The following RCC1 variants were observed in gnomAD, a reference collection of about 807,000 sequenced individuals.
The protein encoded by RCC1 is regulator of chromosome condensation.
RCC1 carries 11 observed loss-of-function variants against 44.4 expected under a neutral mutation model. The observed-to-expected ratio is 0.25, with a 90% CI of 0.16 to 0.41. The LOEUF (loss-of-function observed/expected upper bound fraction) is 0.41. Ranked by LOEUF, RCC1 falls within the 10% of genes least tolerant of loss-of-function variation. The pLI is 1.00. For synonymous variants in RCC1, 213 were observed against 216.5 expected, an observed-to-expected ratio of 0.98 and a Z score of 0.14; for missense variants, 386 against 547.1, an observed-to-expected ratio of 0.71 and a Z score of 2.94.
chr1:28,534,857 G>C (rs1465734140), intron 7 of RCC1, among the ~76,000 whole-genome samples, 193 bp from the exon 8 acceptor site: 1 of 152,166 alleles, frequency 6.6e-6, no homozygotes, highest in Non-Finnish European at 1.5e-5. Flanking sequence ...ATCTCTATTT[G>C]CATCCGCTCT....
Position 28,532,796 on chromosome 1 carries a change from T to TTTG in RCC1, c.441+467_441+469dup, listed in dbSNP as rs570603145. 1.4e-3 allele frequency: 627 copies of TTTG among 443,552 alleles called. 2 individuals are homozygous for TTTG. Among genetic ancestry groups the TTTG allele is most frequent in the African/African-American group, 9.5e-3 (467 of 49,282 alleles). 27.5% of individuals were successfully genotyped at this position (443,552 alleles called of 1,614,324 possible). On this transcript the variant is annotated intron_variant, in intron 7 of 12. Coordinates refer to ENST00000683442, the MANE Select transcript of RCC1 (RefSeq NM_001381865.2). ...TAGTTGAAAAAACAGATTGTGGGTT[T>TTTG]TTGTTGTTGTTGTTGTTGTTGTTTT... is the stretch of plus-strand genomic sequence containing the variant.
At chr1:28,510,375 C>CA (rs1279268043) in intron 3 of RCC1, 1 of 152,208 alleles carries the variant, frequency 6.6e-6, no homozygotes, top group Non-Finnish European at 1.5e-5. Context: ...TGGTGGCTCA[C>CA]ACCCGTAATC....
intron 4 of RCC1, among the ~76,000 whole-genome samples, chr1:28,519,798 C>T (rs976486207): frequency 7.3e-5 from 11 of 151,604 alleles, no homozygotes; most frequent in Non-Finnish European, 1.3e-4. Flanking sequence ...GTCTTGAACT[C>T]CTGACCTCAG....
chr1:28,521,899 G>A (rs983191934), intron 4 of RCC1, among the ~76,000 whole-genome samples: 1 of 152,220 alleles, frequency 6.6e-6, no homozygotes, highest in Non-Finnish European at 1.5e-5. Context: ...ATAGGCCTGG[G>A]TTGCTTTTCT....
chr1:28,531,631 G>A (rs554619135), intron 5 of RCC1, among the ~76,000 whole-genome samples, 172 bp from the exon 6 acceptor site: 12,475 of 152,134 alleles, frequency 0.082, 1,028 homozygotes, highest in African/African-American at 0.22. Context: ...AATCCTGTGA[G>A]AGAGGTACTT....
intron 3 of RCC1, chr1:28,509,729 C>T (rs1470725651): frequency 6.6e-6 from 1 of 152,152 alleles, no homozygotes; most frequent in East Asian, 1.9e-4. Context: ...AGCTTCAGTT[C>T]TAAAGGCCCT....
chr1:28,523,417 C>G (rs1215832481), intron 4 of RCC1, among the ~76,000 whole-genome samples: 2 of 152,178 alleles, frequency 1.3e-5, no homozygotes, highest in Non-Finnish European at 2.9e-5. Flanking sequence ...TGAGATACTT[C>G]ACCTTTCTGA....
At chr1:28,527,274 C>G (rs1312286085) in intron 4 of RCC1, 3 of 638,768 alleles carry the variant, frequency 4.7e-6, no homozygotes, top group Admixed American at 4.4e-5. Context: ...GTGTCTGTCT[C>G]TTTCGCCCAG....
chr1:28,520,269 G>C (rs1363827005), intron 4 of RCC1, among the ~76,000 whole-genome samples: 1 of 152,178 alleles, frequency 6.6e-6, no homozygotes, highest in Non-Finnish European at 1.5e-5. Context: ...TCTTCCTCCT[G>C]GTGTGGGGGA....
At position 28,529,897 on chromosome 1, in the gene RCC1, T is replaced by TC. The variant is rs746656171; in HGVS notation, c.38dup (p.Ala14SerfsTer39). ...ACCCAAGCGCATAGCTAAAAGAAGG[T>TC]CCCCCCCAGCAGATGCCATCCCCAA... On this transcript the variant is annotated frameshift_variant, in exon 5 of 13. Transcript: ENST00000683442. LOFTEE classifies it high-confidence loss of function. 11 of 1,613,552 alleles carry TC rather than the reference T, an allele frequency of 6.8e-6. No homozygotes were observed. The highest frequency in any genetic ancestry group is 2.2e-5 in the South Asian group (2 of 91,048).
chr1:28,528,829 A>T (rs1281419409), intron 4 of RCC1, among the ~76,000 whole-genome samples: 1 of 134,972 alleles, frequency 7.4e-6, no homozygotes, highest in African/African-American at 2.8e-5. Flanking sequence ...AATGGATGAT[A>T]GGCTGTTTTT....
chr1:28,538,223 G>A lies in RCC1; in HGVS notation c.*216G>A. The A allele has an allele frequency of 2.1e-6, 1 of 471,708 alleles. No individual in the cohort carries two copies. Among genetic ancestry groups the A allele is most frequent in the Non-Finnish European group, 3.7e-6 (1 of 266,776 alleles). The allele number at this position is 471,708 out of a possible 1,614,324, so 29.2% of individuals were successfully genotyped here. ...ACAGAATAAAGGGGGGGATGGACAG[G>A]GGGTTTTCAAAAGGAACATGGCTCA... On this transcript the variant is annotated 3_prime_UTR_variant, in exon 13 of 13. Transcript: ENST00000683442.
chr1:28,535,366 G>C lies in RCC1; in HGVS notation c.647G>C (p.Gly216Ala). ...CCTGAGTTATTTGCCAACCGTGGTG[G>C]CCGGCAAGGCCTCGGTAAGTGGCCT... ...RVPELFANRG[G>A]RQGLERLLVP... is the part of the protein sequence containing the mutation. Residue 216 changes from glycine (G) to alanine (A), a missense_variant, in exon 9 of 13, where the codon GGC becomes GCC. Gly to Ala is a moderately conservative substitution (Grantham distance 60, BLOSUM62 0). Transcript: ENST00000683442. 2 of 1,614,144 alleles carry C rather than the reference G, an allele frequency of 1.2e-6. No homozygotes were observed. Among genetic ancestry groups the C allele is most frequent in the Non-Finnish European group, 1.7e-6 (2 of 1,180,020 alleles).
intron 3 of RCC1, among the ~76,000 whole-genome samples, chr1:28,512,852 T>C (rs1286857092): frequency 6.6e-6 from 1 of 152,154 alleles, no homozygotes; most frequent in African/African-American, 2.4e-5. Flanking sequence ...TGGAGTGCAG[T>C]GGCACAATCT....
intron 4 of RCC1, among the ~76,000 whole-genome samples, chr1:28,529,505 T>A (rs879440798): frequency 1.3e-5 from 2 of 151,952 alleles, no homozygotes; most frequent in Non-Finnish European, 2.9e-5. Context: ...ATTCTGCTTG[T>A]TTTACTTGGC....
intron 3 of RCC1, among the ~76,000 whole-genome samples, chr1:28,512,226 C>CCGCCTTGGCCTCCCGA (rs1553211597): frequency 6.7e-5 from 10 of 150,318 alleles, no homozygotes; most frequent in South Asian, 2.1e-4. Flanking sequence ...GGTGATCCAC[C>CCGCCTTGGCCTCCCGA]ACGCCCGGCA....
chr1:28,528,228 G>T (rs890192115), intron 4 of RCC1, among the ~76,000 whole-genome samples: 2 of 152,136 alleles, frequency 1.3e-5, no homozygotes, highest in Non-Finnish European at 2.9e-5. Flanking sequence ...GGCCAAGGCG[G>T]GGTGGATCAC....
chr1:28,537,484 G>T (rs1015122068), intron 12 of RCC1, among the ~76,000 whole-genome samples: 5 of 152,102 alleles, frequency 3.3e-5, no homozygotes, highest in East Asian at 1.9e-4. Context: ...TACCTTGAAG[G>T]TTCCATTCCT....
chr1:28,518,712 G>A (rs915904366), intron 4 of RCC1: 1 of 152,056 alleles, frequency 6.6e-6, no homozygotes, highest in Non-Finnish European at 1.5e-5. Context: ...GCTTGGAGAA[G>A]GCGGTTTGCA....
Sources: gnomAD v4.1 joint callset for allele counts (sites outside exome capture counted in the v4.1 genomes callset) on GRCh38, gnomAD v4.1.1 for gene constraint, MANE v1.5 for transcripts, NCBI Gene and HGNC (gene_info 2026-07-23, HGNC 2026-07-21) for gene names.